The following NOS2 variants were observed in gnomAD, a reference collection of about 807,000 sequenced individuals.
NOS2 encodes the protein nitric oxide synthase 2.
NOS2 carries 96 observed loss-of-function variants against 136.0 expected under a neutral mutation model. That is an observed-to-expected ratio of 0.71 (90% CI 0.60 to 0.84). The LOEUF (loss-of-function observed/expected upper bound fraction) is 0.84. Among genes scored for constraint, NOS2 ranks in the 40% least tolerant of loss-of-function variants. The pLI is 0.00. For synonymous variants in NOS2, 539 were observed against 587.5 expected (o/e 0.92, Z 1.20); for missense variants, 1,237 against 1,496.9 (o/e 0.83, Z 2.87).
In NOS2 at chr17:27,760,666, G is replaced by A; in HGVS notation, c.2967C>T (p.Phe989=). 6.4e-7 allele frequency: 1 copy of A among 1,552,954 alleles called. No individual in the cohort carries two copies. Among genetic ancestry groups the A allele is most frequent in the Non-Finnish European group, 8.7e-7 (1 of 1,147,842 alleles). The change falls in exon 24 of 27, where the codon TTC becomes TTT. Residue 989 remains phenylalanine, a synonymous_variant. Transcript: ENST00000313735. ...LIGPGTGIAP[F]RSFWQQRLHD... ...GGAGCCGTTGCTGCCAGAAACTGCG[G>A]AAGGGCGCGATGCCTGTGCCAGGCC... is the stretch of plus-strand genomic sequence containing the variant.
chr17:27,787,121 C>G (rs887602011), intron 5 of NOS2, among the ~76,000 whole-genome samples: 1 of 152,220 alleles, frequency 6.6e-6, no homozygotes, highest in Non-Finnish European at 1.5e-5. Context: ...AGTCAGGTGG[C>G]CTGGCTTCTA....
At chr17:27,786,325 C>A (rs1383079635) in intron 5 of NOS2, among the ~76,000 whole-genome samples, 1 of 151,908 alleles carries the variant, frequency 6.6e-6, no homozygotes, top group Non-Finnish European at 1.5e-5. Context: ...ACTCAGGAGG[C>A]CGAGGCAGGA....
chr17:27,786,273 A>G (rs980234893), intron 5 of NOS2, among the ~76,000 whole-genome samples: 1 of 152,028 alleles, frequency 6.6e-6, no homozygotes, highest in African/African-American at 2.4e-5. Flanking sequence ...ATAAAAAAAA[A>G]AAATTAGCCA....
In NOS2 at chr17:27,770,998, T is replaced by G. The variant is rs1252152441; in HGVS notation, c.1724A>C (p.Tyr575Ser). Residue 575 changes from tyrosine (Y) to serine (S), a missense_variant, in exon 15 of 27, where the codon TAC becomes TCC. Physicochemically the swap from Tyr to Ser is moderately radical, Grantham distance 144. This residue lies in a region of NOS2 where 782 missense variants were observed against 909.9 expected (regional missense o/e 0.86). Coordinates refer to ENST00000313735, the MANE Select transcript of NOS2 (RefSeq NM_000625.4). Reference sequence around the variant, plus strand: ...TTCCTCCTCCAGGCAGCTCAGCCTGTACTTATCCATGCAGACAACCTGGAT... The same window carrying G: ...TTCCTCCTCCAGGCAGCTCAGCCTGGACTTATCCATGCAGACAACCTGGAT... ...FNPKVVCMDK[Y>S]RLSCLEEERL... 1 of 1,613,974 alleles carries G rather than the reference T, an allele frequency of 6.2e-7. No homozygotes were observed. The highest frequency in any genetic ancestry group is 8.5e-7 in the Non-Finnish European group (1 of 1,179,922).
rs1462829376 is a variant in NOS2 at position 27,783,005 on chromosome 17, G to T, written c.569C>A (p.Thr190Asn). Residue 190 changes from threonine to asparagine, a missense_variant, in exon 6 of 27, where the codon ACC (threonine) becomes AAC (asparagine). Physicochemically the swap from Thr to Asn is moderately conservative, Grantham distance 65 (BLOSUM62 0). Coordinates refer to ENST00000313735, the MANE Select transcript of NOS2 (RefSeq NM_000625.4). ...TGGGGCATTGCGCCAGGCCTGCTTGGTGGCGAAGATGAGCTCATCTCCCGT... is the reference window on the plus strand; with the variant it reads ...TGGGGCATTGCGCCAGGCCTGCTTGTTGGCGAAGATGAGCTCATCTCCCGT... ...QLTGDELIFA[T>N]KQAWRNAPRC... 1 of 1,614,214 alleles carries T rather than the reference G, an allele frequency of 6.2e-7. No homozygotes were observed. The highest frequency in any genetic ancestry group is 8.5e-7 in the Non-Finnish European group (1 of 1,180,036).
At chr17:27,764,821 A>G (rs187458722) in intron 20 of NOS2, among the ~76,000 whole-genome samples, 1 of 152,230 alleles carries the variant, frequency 6.6e-6, no homozygotes, top group African/African-American at 2.4e-5. Flanking sequence ...CTGGGTAAAA[A>G]TAAGAGCCTG....
At position 27,782,921 on chromosome 17, in the gene NOS2, C is replaced by T. The variant is rs201165782; in HGVS notation, c.630+23G>A. The T allele has an allele frequency of 4.4e-4, 711 of 1,612,298 alleles. 1 individual carries two copies. Among genetic ancestry groups the T allele is most frequent in the Non-Finnish European group, 5.5e-4 (654 of 1,179,202 alleles). ...GGCCTGGCCGCCTCCAGCTCTCTCC[C>T]GCTCAAGTCTAAGGAAGTTCACCTG... On this transcript the variant is annotated intron_variant, in intron 6 of 26. Transcript: ENST00000313735.
intron 16 of NOS2, 51 bp from the exon 17 acceptor site, chr17:27,769,202 C>T: frequency 1.3e-6 from 2 of 1,500,038 alleles, no homozygotes; most frequent in South Asian, 2.5e-5. Flanking sequence ...CAGCACCTGG[C>T]ACCCAGCACC....
At chr17:27,770,709 T>C (rs1338214599) in intron 15 of NOS2, among the ~76,000 whole-genome samples, 3 of 152,164 alleles carry the variant, frequency 2.0e-5, no homozygotes, top group Admixed American at 2.0e-4. Flanking sequence ...TTCACAGAAA[T>C]ATATTAAATA....
intron 5 of NOS2, among the ~76,000 whole-genome samples, chr17:27,784,001 C>T (rs983050311): frequency 7.2e-5 from 11 of 152,166 alleles, no homozygotes; most frequent in South Asian, 4.1e-4. Flanking sequence ...CTCTCTAAAC[C>T]GTGCTGTTCC....
intron 15 of NOS2, 49 bp from the exon 16 acceptor site, chr17:27,769,633 C>T: frequency 2.0e-6 from 3 of 1,508,650 alleles, no homozygotes; most frequent in South Asian, 1.1e-5. Context: ...TGAATAAAAA[C>T]ACTGTTTTTT....
rs1217720375 is a variant in NOS2, at chr17:27,781,022, G to T, written c.864+14C>A. The T allele has an allele frequency of 6.2e-7, 1 of 1,611,310 alleles. No homozygotes were observed. Among genetic ancestry groups the T allele is most frequent in the Non-Finnish European group, 8.5e-7 (1 of 1,178,436 alleles). On this transcript the variant is annotated intron_variant, in intron 8 of 26. Transcript: ENST00000313735. ...CCCGCCCCAATGGCCGGTGGCTGAG[G>T]CTGGGCCGGGTACCTGAGTGAATTC...
At position 27,761,251 on chromosome 17, in the gene NOS2, T is replaced by A. The variant is rs768068579; in HGVS notation, c.2801-20A>T. 6.3e-7 allele frequency: 1 copy of A among 1,587,616 alleles called. No individual in the cohort carries two copies. The highest frequency in any genetic ancestry group is 8.6e-7 in the Non-Finnish European group (1 of 1,167,038). On this transcript the variant is annotated intron_variant, in intron 22 of 26. Coordinates refer to ENST00000313735, the MANE Select transcript of NOS2 (RefSeq NM_000625.4). ...GGCCATCTGCAACGATACCACAAAGTGACCAACGTCCCCCCACTGCCCATG... is the reference window on the plus strand; with the variant it reads ...GGCCATCTGCAACGATACCACAAAGAGACCAACGTCCCCCCACTGCCCATG...
At chr17:27,775,609 AC>A (rs1908635633) in intron 11 of NOS2, among the ~76,000 whole-genome samples, 1 of 152,124 alleles carries the variant, frequency 6.6e-6, no homozygotes, top group African/African-American at 2.4e-5. Context: ...CTTAAAAAAA[AC>A]AAAAACAAAA....
chr17:27,778,424 G>C (rs1052999573), intron 11 of NOS2, among the ~76,000 whole-genome samples: 23 of 152,180 alleles, frequency 1.5e-4, no homozygotes, highest in African/African-American at 5.5e-4. Context: ...ACACTGCTGG[G>C]AATGACTCAG....
intron 18 of NOS2, 60 bp from the exon 19 acceptor site, chr17:27,766,648 G>T (rs572445563): frequency 2.2e-6 from 3 of 1,343,342 alleles, no homozygotes; most frequent in Non-Finnish European, 3.2e-6. Context: ...GGTAGGGGAA[G>T]CCCCCAGATG....
intron 24 of NOS2, among the ~76,000 whole-genome samples, 156 bp from the exon 25 acceptor site, chr17:27,760,334 C>T (rs1908077466): frequency 6.6e-6 from 1 of 152,244 alleles, no homozygotes; most frequent in African/African-American, 2.4e-5. Flanking sequence ...ATTCAGATCA[C>T]TCATCCATAG....
intron 23 of NOS2, 48 bp from the exon 24 acceptor site, chr17:27,760,792 C>T: frequency 2.0e-6 from 3 of 1,528,854 alleles, no homozygotes; most frequent in Non-Finnish European, 2.6e-6. Flanking sequence ...CACCCCAGGC[C>T]CACGCACACA....
Position 27,772,350 on chromosome 17 carries a change from G to A in NOS2, c.1662C>T (p.Ala554=). 6.2e-7 allele frequency: 1 copy of A among 1,614,160 alleles called. No individual in the cohort carries two copies. The highest frequency in any genetic ancestry group is 1.1e-5 in the South Asian group (1 of 91,082). Residue 554 remains alanine (A), a synonymous_variant, in exon 14 of 27, where the codon GCC becomes GCT. Coordinates refer to ENST00000313735, the MANE Select transcript of NOS2 (RefSeq NM_000625.4). ...AGCTGAATAAGGCCCCCAGGTCCCA[G>A]GCCAGCGCCTCTGATTTTCCTGTCT... ...ATETGKSEAL[A]WDLGALFSCA... is the part of the protein sequence containing the mutation.
Sources: allele counts gnomAD v4.1 joint callset (sites outside exome capture counted in the v4.1 genomes callset), GRCh38; gene constraint gnomAD v4.1.1; regional missense constraint gnomAD v4.1.1; transcripts MANE v1.5; gene names NCBI Gene and HGNC (gene_info 2026-07-23, HGNC 2026-07-21).